Variants in PSORS1C1 observed in about 807,000 individuals in gnomAD.
PSORS1C1 encodes psoriasis susceptibility 1 candidate gene 1 protein.
A neutral mutation model predicts 9.4 loss-of-function variants in PSORS1C1; 7 were observed. The ratio of observed to expected loss-of-function variants is 0.75; its 90% confidence interval spans 0.42 to 1.40. The LOEUF (loss-of-function observed/expected upper bound fraction) is 1.40. Ranked by LOEUF, PSORS1C1 falls within the 40% of genes most tolerant of loss-of-function variation. The pLI is 0.01. For missense variants in PSORS1C1, 146 were observed against 178.1 expected (o/e 0.82, Z 1.02); for synonymous variants, 63 against 69.4 (o/e 0.91, Z 0.46).
intron 1 of PSORS1C1, 32 bp downstream of exon 1, chr6:31,114,923 T>A (rs1489032900): frequency 1.1e-5 from 5 of 447,444 alleles, no homozygotes; most frequent in African/African-American, 2.1e-5. Context: ...AGAAAAGGAG[T>A]TTGGGTGGGG....
chr6:31,133,257 G>A (rs922838622), intron 3 of PSORS1C1, among the ~76,000 whole-genome samples: 2 of 152,248 alleles, frequency 1.3e-5, no homozygotes, highest in Middle Eastern at 6.8e-3. Flanking sequence ...ATTGCCATAG[G>A]GTGACTGGGG....
intron 3 of PSORS1C1, among the ~76,000 whole-genome samples, chr6:31,132,210 A>G (rs1375988259): frequency 6.6e-6 from 1 of 152,176 alleles, no homozygotes; most frequent in African/African-American, 2.4e-5. Context: ...AGCCTGGGCA[A>G]CAGAGTGAGA....
Position 31,140,017 on chromosome 6 carries a change from A to C in PSORS1C1, c.*85A>C, listed in dbSNP as rs935975511. The C allele has an allele frequency of 3.0e-6, 4 of 1,346,348 alleles. No homozygotes were observed. The South Asian group carries it at 5.3e-5, about 18-fold the overall frequency. The allele number at this position is 1,346,348 out of a possible 1,614,324, so 83.4% of individuals were successfully genotyped here. ...TAGCCTTTCAGAAGTAACATGTCCAAAATAAAATTTGATTCCTCCCAGGTT... is the reference window on the plus strand; with the variant it reads ...TAGCCTTTCAGAAGTAACATGTCCACAATAAAATTTGATTCCTCCCAGGTT... On this transcript the variant is annotated 3_prime_UTR_variant, in exon 6 of 6. Transcript: ENST00000259881. This position sits in a 1 kb window ranked among gnomAD's most constrained non-coding sequence, Gnocchi z 4.6.
intron 1 of PSORS1C1, chr6:31,116,519 C>T: frequency 1.2e-6 from 2 of 1,612,892 alleles, no homozygotes; most frequent in South Asian, 1.1e-5. Flanking sequence ...AATGCAATGG[C>T]CGAGGAAGCT....
chr6:31,120,677 C>A (rs946618683), intron 1 of PSORS1C1, among the ~76,000 whole-genome samples: 1 of 152,124 alleles, frequency 6.6e-6, no homozygotes, highest in Non-Finnish European at 1.5e-5. Context: ...ACCTGACAGG[C>A]CTGGCCCCGG....
At chr6:31,123,976 GGGCCTTGT>G (rs1265726325) in intron 1 of PSORS1C1, among the ~76,000 whole-genome samples, 1 of 152,138 alleles carries the variant, frequency 6.6e-6, no homozygotes, top group African/African-American at 2.4e-5. Context: ...GCCAGACGTG[GGGCCTTGT>G]GGTGCTTCAG....
intron 1 of PSORS1C1, among the ~76,000 whole-genome samples, chr6:31,125,320 C>A (rs997151083): frequency 6.6e-6 from 1 of 152,082 alleles, no homozygotes; most frequent in African/African-American, 2.4e-5. Context: ...TCCATGACAC[C>A]CACGCTTCCC....
intron 1 of PSORS1C1, chr6:31,117,141 G>T: frequency 6.2e-7 from 1 of 1,610,328 alleles, no homozygotes; most frequent in African/African-American, 1.4e-5. Flanking sequence ...GAAAGCTGCT[G>T]CTGCTGCTCG....
chr6:31,114,922 G>A (rs1772021678), intron 1 of PSORS1C1, 31 bp downstream of exon 1: 4 of 435,450 alleles, frequency 9.2e-6, no homozygotes, highest in South Asian at 4.8e-5. Flanking sequence ...AAGAAAAGGA[G>A]TTTGGGTGGG....
At chr6:31,138,300 G>A (rs1294388550) in intron 3 of PSORS1C1, 130 bp from the exon 4 acceptor site, 2 of 1,596,376 alleles carry the variant, frequency 1.3e-6, no homozygotes, top group Non-Finnish European at 1.7e-6. Flanking sequence ...CTCGCTGCCT[G>A]AGATGCCTGT....
chr6:31,129,697 A>G (rs759141265), intron 3 of PSORS1C1, 52 bp downstream of exon 3: 2 of 779,068 alleles, frequency 2.6e-6, no homozygotes, highest in South Asian at 1.3e-5. Context: ...GGGGCTAATC[A>G]TTTGCTTTAT....
intron 3 of PSORS1C1, among the ~76,000 whole-genome samples, chr6:31,134,709 C>T (rs1177002790): frequency 6.6e-6 from 1 of 152,220 alleles, no homozygotes; most frequent in Non-Finnish European, 1.5e-5. Flanking sequence ...CCTCTTCATC[C>T]CTAACCCTGG....
At position 31,115,204 on chromosome 6, in the gene PSORS1C1, G is replaced by C; in HGVS notation, c.-229+313G>C. ...GAGGAACACAGAGACCTCTAGAGGC[G>C]TAGGAAGAGCACCACCCAGACTCTC... On this transcript the variant is annotated intron_variant, in intron 1 of 5. Transcript: ENST00000259881. This position sits in a 1 kb window ranked among gnomAD's most constrained non-coding sequence, Gnocchi z 4.2. 1 of 303,476 alleles carries C rather than the reference G, an allele frequency of 3.3e-6. No individual in the cohort carries two copies. The highest frequency in any genetic ancestry group is 2.2e-5 in the African/African-American group (1 of 45,552). The allele number at this position is 303,476 out of a possible 1,614,324, so 18.8% of individuals were successfully genotyped here.
At chr6:31,117,653 G>A in intron 1 of PSORS1C1, 1 of 798,826 alleles carries the variant, frequency 1.3e-6, no homozygotes, top group Non-Finnish European at 2.1e-6. Flanking sequence ...AGAGTTTAGG[G>A]ATGGAGAAAG....
intron 2 of PSORS1C1, among the ~76,000 whole-genome samples, chr6:31,126,861 A>T (rs1772703486): frequency 6.6e-6 from 1 of 152,050 alleles, no homozygotes; most frequent in African/African-American, 2.4e-5. Context: ...TCCCTGGCCG[A>T]AGCCTTCCTG....
chr6:31,123,684 G>A (rs557268387), intron 1 of PSORS1C1, among the ~76,000 whole-genome samples: 7 of 152,222 alleles, frequency 4.6e-5, no homozygotes, highest in Non-Finnish European at 8.8e-5. Context: ...AAGCAGGCAG[G>A]TCACTGTCCC....
chr6:31,138,416 T>A lies in PSORS1C1; in HGVS notation c.14-14T>A, dbSNP rs759581361. On this transcript the variant is annotated splice_polypyrimidine_tract_variant and intron_variant, in intron 3 of 5. Transcript: ENST00000259881. ...CTGTCTGGATGGACGCAGCCTGAAC[T>A]GACCCACAAACAGACCAAAAAAGTC... is the stretch of plus-strand genomic sequence containing the variant. The A allele has an allele frequency of 5.4e-6, 8 of 1,491,920 alleles. No homozygotes were observed. In the South Asian group the frequency reaches 5.6e-5, roughly 10 times the overall value. 92.4% of individuals were successfully genotyped at this position (1,491,920 alleles called of 1,614,324 possible).
Position 31,119,023 on chromosome 6 carries a change from T to C in PSORS1C1, c.-229+4132T>C, listed in dbSNP as rs191586160. ...ACACCCAGCTAATTTTTTGTATTTT[T>C]AGTAGAGAGGGGGTTTCACCATCTT... On this transcript the variant is annotated intron_variant, in intron 1 of 5. Transcript: ENST00000259881. 5.5e-3 allele frequency among the ~76,000 whole-genome samples: 838 copies of C among 151,948 alleles called. 12 individuals are homozygous for C. In the Middle Eastern group the frequency reaches 0.061, roughly 11 times the overall value.
chr6:31,128,437 C>A lies in PSORS1C1; in HGVS notation c.-64-1132C>A, dbSNP rs149750674. On this transcript the variant is annotated intron_variant, in intron 2 of 5. Transcript: ENST00000259881. The surrounding 1 kb of genome is among the most constrained non-coding windows in gnomAD (Gnocchi z 4.3). The stretch of plus-strand genomic sequence containing the variant: ...CGAATGGCTAAGTAGCGACAAGAAC[C>A]CAAGTCACAGTCTGTTGATCTCACT... 2.3e-3 allele frequency among the ~76,000 whole-genome samples: 352 copies of A among 152,224 alleles called. No homozygotes were observed. Among genetic ancestry groups the A allele is most frequent in the African/African-American group, 8.1e-3 (336 of 41,518 alleles).
Sources: gnomAD v4.1 joint callset for allele counts (sites outside exome capture counted in the v4.1 genomes callset) on GRCh38, gnomAD v4.1.1 for gene constraint, Gnocchi (gnomAD v3.1) non-coding constraint, MANE v1.5 for transcripts, NCBI Gene and HGNC (gene_info 2026-07-23, HGNC 2026-07-21) for gene names.